The following KCNQ2 variants were observed in gnomAD, a reference collection of about 807,000 sequenced individuals.
KCNQ2 encodes potassium voltage-gated channel subfamily KQT member 2.
Under a neutral mutation model 84.8 loss-of-function variants are expected in KCNQ2, and 14 were observed. The observed-to-expected ratio is 0.17, with a 90% CI of 0.11 to 0.26. The LOEUF (loss-of-function observed/expected upper bound fraction) is 0.26. Ranked by LOEUF, KCNQ2 falls within the 10% of genes least tolerant of loss-of-function variation. KCNQ2 has a pLI of 1.00. For missense variants in KCNQ2, 788 were observed against 1,254.0 expected, an observed-to-expected ratio of 0.63 and a Z score of 5.61; for synonymous variants, 599 against 554.1, an observed-to-expected ratio of 1.08 and a Z score of -1.14.
At chr20:63,444,970 G>T in intron 3 of KCNQ2, 136 bp from the exon 4 acceptor site, 2 of 1,083,646 alleles carry the variant, frequency 1.8e-6, no homozygotes, top group Non-Finnish European at 2.6e-6. Flanking sequence ...TGTGGGCTCT[G>T]TCAGGCCCCA....
intron 15 of KCNQ2, chr20:63,413,166 G>A (rs995710689): frequency 3.3e-5 from 16 of 482,646 alleles, no homozygotes; most frequent in Admixed American, 3.0e-4. Flanking sequence ...GTGTGCATGC[G>A]TGACTTACAC....
chr20:63,448,755 C>T (rs1296151482), intron 1 of KCNQ2, among the ~76,000 whole-genome samples: 2 of 152,208 alleles, frequency 1.3e-5, no homozygotes, highest in African/African-American at 4.8e-5. Context: ...CACGGGCATC[C>T]TGGGGGAAGT....
chr20:63,424,427 A>C (rs1006860387), intron 10 of KCNQ2: 1 of 597,502 alleles, frequency 1.7e-6, no homozygotes, highest in African/African-American at 1.9e-5. Flanking sequence ...GAGAGGGAAG[A>C]GGGACTCCAT....
At chr20:63,430,162 G>A (rs1268565797) in intron 9 of KCNQ2, among the ~76,000 whole-genome samples, 4 of 152,210 alleles carry the variant, frequency 2.6e-5, no homozygotes, top group African/African-American at 7.2e-5. Flanking sequence ...GAGCAGCAGC[G>A]CCAGGGCAGA....
At chr20:63,421,591 G>A (rs6011825) in intron 11 of KCNQ2, among the ~76,000 whole-genome samples, 1,760 of 152,268 alleles carry the variant, frequency 0.012, 37 homozygotes, top group African/African-American at 0.041. Flanking sequence ...CAGTGAGCTC[G>A]AGACCCACAG....
Position 63,408,483 on chromosome 20 carries a change from T to C in KCNQ2, c.1817A>G (p.Lys606Arg). The change falls in exon 16 of 17, where the codon AAG (lysine) becomes AGG (arginine). Residue 606 changes from lysine to arginine, a missense_variant. Physicochemically the swap from Lys to Arg is conservative, Grantham distance 26. This residue lies in a region of KCNQ2 where 378 missense variants were observed against 434.5 expected (regional missense o/e 0.87). Coordinates refer to ENST00000359125, the MANE Select transcript of KCNQ2 (RefSeq NM_172107.4). This position sits in a 1 kb window ranked among gnomAD's most constrained non-coding sequence, Gnocchi z 5.0. ...GGGCAGCTCCGCCTCGGCCGGGCCCTTGGTGCGGTCCTTGTCCGTGATCGC... is the reference window on the plus strand; with the variant it reads ...GGGCAGCTCCGCCTCGGCCGGGCCCCTGGTGCGGTCCTTGTCCGTGATCGC... ...GPAITDKDRT[K>R]GPAEAELPED... 1 of 1,608,326 alleles carries C rather than the reference T, an allele frequency of 6.2e-7. No individual in the cohort carries two copies. The highest frequency in any genetic ancestry group is 8.5e-7 in the Non-Finnish European group (1 of 1,178,282).
At chr20:63,429,615 T>C (rs1263388875) in intron 9 of KCNQ2, among the ~76,000 whole-genome samples, 1 of 152,212 alleles carries the variant, frequency 6.6e-6, no homozygotes, top group Admixed American at 6.5e-5. Context: ...GTCCTCCAGA[T>C]GGGCATCCTT....
rs557276690 is a variant in KCNQ2 at position 63,469,748 on chromosome 20, T to C, written c.296+2420A>G. ...GGCCCAACTGAGCTCCGTCTCCGTT[T>C]AGCTGATGAACAAACAGACCAAATG... On this transcript the variant is annotated intron_variant, in intron 1 of 16. Transcript: ENST00000359125. 2.9e-4 allele frequency among the ~76,000 whole-genome samples: 44 copies of C among 152,362 alleles called. No individual in the cohort carries two copies. The South Asian group carries it at 8.5e-3, about 29-fold the overall frequency.
intron 4 of KCNQ2, among the ~76,000 whole-genome samples, chr20:63,444,078 GC>G (rs1000314289): frequency 1.3e-5 from 2 of 152,268 alleles, no homozygotes; most frequent in Admixed American, 1.3e-4. Context: ...CCACCACCCT[GC>G]CAGGGCTCAA....
intron 12 of KCNQ2, 88 bp downstream of exon 12, chr20:63,419,531 C>G (rs937860704): frequency 7.3e-7 from 1 of 1,370,762 alleles, no homozygotes; most frequent in African/African-American, 1.4e-5. Flanking sequence ...GCCAGCCTCC[C>G]CCTGGCTCCT....
intron 1 of KCNQ2, among the ~76,000 whole-genome samples, chr20:63,457,501 C>G (rs2081834306): frequency 1.3e-5 from 2 of 152,266 alleles, no homozygotes; most frequent in Admixed American, 1.3e-4. Context: ...CCGCCTGCAC[C>G]CACCTGGCAC....
intron 8 of KCNQ2, among the ~76,000 whole-genome samples, chr20:63,432,729 T>TCAGGGAAGGCC (rs2080859068): frequency 9.4e-6 from 1 of 106,156 alleles, no homozygotes; most frequent in Non-Finnish European, 1.9e-5. Context: ...CAGGGAAGGC[T>TCAGGGAAGGCC]CCACCCTCAG....
At chr20:63,442,736 T>TCACCACCACCA (rs1568934132) in intron 4 of KCNQ2, among the ~76,000 whole-genome samples, 8 of 36,258 alleles carry the variant, frequency 2.2e-4, no homozygotes, top group African/African-American at 7.6e-4. Context: ...CATCACCACC[T>TCACCACCACCA]CCACCATCAC....
chr20:63,409,228 A>G (rs1433576680), intron 15 of KCNQ2, among the ~76,000 whole-genome samples: 3 of 152,204 alleles, frequency 2.0e-5, no homozygotes, highest in Non-Finnish European at 2.9e-5. Context: ...CTCGATGTGC[A>G]TGTGTGTGCC....
At chr20:63,443,544 TGACCATCATGACCATCACCAC>T (rs2081327490) in intron 4 of KCNQ2, 2 of 76,194 alleles carry the variant, frequency 2.6e-5, no homozygotes, top group African/African-American at 1.3e-4. Context: ...ACCACCACCA[TGACCATCATGACCATCACCAC>T]CACCACCACC....
intron 15 of KCNQ2, among the ~76,000 whole-genome samples, chr20:63,410,338 C>A (rs1011777774): frequency 3.7e-4 from 57 of 152,336 alleles, no homozygotes; most frequent in African/African-American, 1.3e-3. Context: ...GGACCCTGTG[C>A]CCCTCCTGCC....
At chr20:63,452,262 G>A (rs555652248) in intron 1 of KCNQ2, among the ~76,000 whole-genome samples, 24 of 152,348 alleles carry the variant, frequency 1.6e-4, no homozygotes, top group African/African-American at 5.3e-4. Context: ...CGTACACCCC[G>A]AGGACGTCCC....
chr20:63,443,114 C>T (rs1368025704), intron 4 of KCNQ2, among the ~76,000 whole-genome samples: 10 of 88,420 alleles, frequency 1.1e-4, no homozygotes, highest in South Asian at 5.3e-4. Context: ...ATCACCACCA[C>T]CACTATCACC....
chr20:63,444,905 C>T (rs1400945699), intron 3 of KCNQ2, 71 bp from the exon 4 acceptor site: 1 of 1,467,354 alleles, frequency 6.8e-7, no homozygotes, highest in Non-Finnish European at 9.2e-7. Flanking sequence ...AACTCCCCAC[C>T]CCGCGTTCCA....
Sources: allele counts gnomAD v4.1 joint callset (sites outside exome capture counted in the v4.1 genomes callset), GRCh38; gene constraint gnomAD v4.1.1; regional missense constraint gnomAD v4.1.1; non-coding constraint Gnocchi (gnomAD v3.1); transcripts MANE v1.5; gene names NCBI Gene and HGNC (gene_info 2026-07-23, HGNC 2026-07-21).